SATB2: variants seen among roughly 807,000 people sequenced by gnomAD.
The protein encoded by SATB2 is DNA-binding protein SATB2.
Under a neutral mutation model 73.4 loss-of-function variants are expected in SATB2, and 1 was observed. That is an observed-to-expected ratio of 0.01 (90% CI 0.00 to 0.06). The LOEUF (loss-of-function observed/expected upper bound fraction) is 0.06, where lower values mean the gene tolerates loss of function less well. Ranked by LOEUF, SATB2 falls within the 10% of genes least tolerant of loss-of-function variation. The pLI is 1.00. For synonymous variants in SATB2, 397 were observed against 367.0 expected (o/e 1.08, Z -0.93); for missense variants, 459 against 945.8 (o/e 0.49, Z 6.75).
intron 3 of SATB2, among the ~76,000 whole-genome samples, chr2:199,395,549 G>A (rs1168372112): frequency 1.3e-5 from 2 of 151,936 alleles, no homozygotes; most frequent in Non-Finnish European, 2.9e-5. Flanking sequence ...AGCTAGCCTG[G>A]TGTCTGACAC....
intron 5 of SATB2, among the ~76,000 whole-genome samples, chr2:199,374,877 T>C (rs890277729): frequency 1.3e-5 from 2 of 151,848 alleles, no homozygotes; most frequent in East Asian, 3.9e-4. Flanking sequence ...GCGGGGAGAA[T>C]TGCTTCTGCC....
At chr2:199,380,336 T>C in intron 5 of SATB2, 28 bp downstream of exon 5, 1 of 1,613,860 alleles carries the variant, frequency 6.2e-7, no homozygotes, top group South Asian at 1.1e-5. Context: ...TTCTTCTGTT[T>C]CCCAGACCCC....
chr2:199,336,996 G>C (rs183554535), intron 7 of SATB2, among the ~76,000 whole-genome samples: 35 of 152,214 alleles, frequency 2.3e-4, no homozygotes, highest in South Asian at 8.3e-4. Context: ...TTTAATCAAT[G>C]TTAGCCATTG....
At chr2:199,401,588 A>G (rs928836271) in intron 3 of SATB2, among the ~76,000 whole-genome samples, 2 of 152,130 alleles carry the variant, frequency 1.3e-5, no homozygotes, top group African/African-American at 4.8e-5. Context: ...TGTTATGAGA[A>G]AGAATAATCA....
chr2:199,360,766 C>T (rs768952535), intron 6 of SATB2, among the ~76,000 whole-genome samples: 6 of 152,086 alleles, frequency 3.9e-5, no homozygotes, highest in Non-Finnish European at 7.4e-5. Context: ...CACGTTTAGA[C>T]TCTTTCCTCT....
intron 6 of SATB2, among the ~76,000 whole-genome samples, chr2:199,352,105 C>A (rs1047979686): frequency 7.9e-5 from 12 of 152,198 alleles, no homozygotes; most frequent in African/African-American, 2.9e-4. Context: ...AACTCCTGAC[C>A]TCAGGTGATC....
At chr2:199,381,596 A>C (rs1393939495) in intron 4 of SATB2, 98 bp downstream of exon 4, 4 of 1,506,718 alleles carry the variant, frequency 2.7e-6, no homozygotes, top group Non-Finnish European at 3.7e-6. Flanking sequence ...TCCAATGTCC[A>C]GAAATTAATA....
chr2:199,314,862 T>A (rs2105777795), intron 9 of SATB2, among the ~76,000 whole-genome samples: 1 of 152,244 alleles, frequency 6.6e-6, no homozygotes, highest in East Asian at 1.9e-4. Context: ...TGATGAAGAA[T>A]TAACTCGTCT....
intron 4 of SATB2, among the ~76,000 whole-genome samples, chr2:199,380,700 C>T (rs760427747): frequency 5.9e-5 from 9 of 152,046 alleles, no homozygotes; most frequent in Non-Finnish European, 1.2e-4. Flanking sequence ...TCCCACTCAT[C>T]CAAGAAAAAT....
chr2:199,348,788 T>C lies in SATB2; in HGVS notation c.1086A>G (p.Pro362=). 2 of 1,610,588 alleles carry C rather than the reference T, an allele frequency of 1.2e-6. No individual in the cohort carries two copies. The highest frequency in any genetic ancestry group is 1.1e-5 in the South Asian group (1 of 90,764). Residue 362 remains proline (P), a synonymous_variant, in exon 7 of 11, where the codon CCA becomes CCG. Coordinates refer to ENST00000417098, the MANE Select transcript of SATB2 (RefSeq NM_001172509.2). ...CATCTCTGACTTGCTGGTAGATATC[T>C]GGAGAGACTTCCACGGAAGAGTTGG... is the stretch of plus-strand genomic sequence containing the variant. ...EPTNSSVEVS[P]DIYQQVRDEL... is the part of the protein sequence containing the mutation.
chr2:199,358,150 T>C (rs1236201459), intron 6 of SATB2, among the ~76,000 whole-genome samples: 1 of 152,076 alleles, frequency 6.6e-6, no homozygotes, highest in Non-Finnish European at 1.5e-5. Flanking sequence ...TAAAATCTTT[T>C]TAAAAGGTAA....
intron 8 of SATB2, among the ~76,000 whole-genome samples, chr2:199,326,749 C>A (rs1291062307): frequency 2.0e-5 from 3 of 152,048 alleles, no homozygotes; most frequent in Non-Finnish European, 4.4e-5. Context: ...CTTACTAGCT[C>A]AGTATGTATG....
chr2:199,358,710 C>T (rs1209205671), intron 6 of SATB2, among the ~76,000 whole-genome samples: 1 of 152,132 alleles, frequency 6.6e-6, no homozygotes, highest in African/African-American at 2.4e-5. Flanking sequence ...CCCTTATTAT[C>T]AACTTCCTTT....
intron 10 of SATB2, among the ~76,000 whole-genome samples, chr2:199,297,442 G>A (rs1344107467): frequency 6.6e-6 from 1 of 152,170 alleles, no homozygotes; most frequent in Non-Finnish European, 1.5e-5. Context: ...TAGGCCATTA[G>A]TATTCTCAGC....
At chr2:199,329,547 T>C (rs1688128531) in intron 7 of SATB2, among the ~76,000 whole-genome samples, 1 of 152,062 alleles carries the variant, frequency 6.6e-6, no homozygotes, top group Non-Finnish European at 1.5e-5. Flanking sequence ...CCCAAATCTT[T>C]CATGAGACGT....
chr2:199,322,562 T>C (rs1380343129), intron 9 of SATB2, among the ~76,000 whole-genome samples: 1 of 152,184 alleles, frequency 6.6e-6, no homozygotes, highest in Non-Finnish European at 1.5e-5. Flanking sequence ...CAGAGTAATC[T>C]GGAAAACTTA....
At chr2:199,419,529 T>A (rs1007902423) in intron 3 of SATB2, among the ~76,000 whole-genome samples, 5 of 152,212 alleles carry the variant, frequency 3.3e-5, no homozygotes, top group African/African-American at 1.2e-4. Flanking sequence ...CTTGACAGCA[T>A]GTTTTTTAAA....
At chr2:199,421,225 A>G (rs1691158885) in intron 3 of SATB2, among the ~76,000 whole-genome samples, 1 of 152,164 alleles carries the variant, frequency 6.6e-6, no homozygotes, top group Admixed American at 6.6e-5. Context: ...AAGAAAGACT[A>G]TGAAAAGAAG....
At chr2:199,408,952 T>C (rs892153949) in intron 3 of SATB2, among the ~76,000 whole-genome samples, 2 of 152,064 alleles carry the variant, frequency 1.3e-5, no homozygotes, top group Non-Finnish European at 2.9e-5. Flanking sequence ...AAAAGATATA[T>C]TAATTATGTT....
Sources: gnomAD v4.1 joint callset for allele counts (sites outside exome capture counted in the v4.1 genomes callset) on GRCh38, gnomAD v4.1.1 for gene constraint, MANE v1.5 for transcripts, NCBI Gene and HGNC (gene_info 2026-07-23, HGNC 2026-07-21) for gene names.